The following SOX5 variants were observed in gnomAD, a reference collection of about 807,000 sequenced individuals.
SOX5 encodes SRY-box transcription factor 5, also known as transcription factor SOX-5.
Under a neutral mutation model 92.0 loss-of-function variants are expected in SOX5, and 9 were observed. That is an observed-to-expected ratio of 0.10 (90% CI 0.06 to 0.17). The LOEUF is 0.17. SOX5 is among the 10% of genes least tolerant of loss of function. The pLI is 1.00. For synonymous variants in SOX5, 344 were observed against 336.3 expected, an observed-to-expected ratio of 1.02 and a Z score of -0.25; for missense variants, 642 against 944.5, an observed-to-expected ratio of 0.68 and a Z score of 4.20.
intron 1 of SOX5, among the ~76,000 whole-genome samples, chr12:24,459,090 T>C (rs1449505020): frequency 3.3e-5 from 5 of 152,150 alleles, no homozygotes; most frequent in African/African-American, 7.2e-5. Context: ...GGGATGATTG[T>C]TTCCGTTCCC....
intron 3 of SOX5, among the ~76,000 whole-genome samples, chr12:23,819,350 T>C (rs1285448083): frequency 1.3e-5 from 2 of 152,202 alleles, no homozygotes; most frequent in African/African-American, 2.4e-5. Flanking sequence ...ACTTTCTTTG[T>C]GTAAAAACTT....
intron 1 of SOX5, among the ~76,000 whole-genome samples, chr12:24,483,368 C>T (rs1234582697): frequency 1.3e-5 from 2 of 152,158 alleles, no homozygotes; most frequent in Non-Finnish European, 2.9e-5. Context: ...CTAAATCACT[C>T]ACCCCAGAAA....
rs551378119 is a variant in SOX5, at chr12:23,658,599, A to T, written c.931+6845T>A. Among the ~76,000 whole-genome samples the T allele has an allele frequency of 3.9e-5, 6 of 152,320 alleles. No homozygotes were observed. In the East Asian group the frequency reaches 1.2e-3, roughly 29 times the overall value. ...TGGTCACAATAATTCTAACACAAAA[A>T]ATACAGAAACCAGCTGGGCATGGTG... On this transcript the variant is annotated intron_variant, in intron 7 of 14. Transcript: ENST00000451604.
intron 1 of SOX5, among the ~76,000 whole-genome samples, chr12:24,464,311 T>C (rs555002646): frequency 7.8e-4 from 112 of 144,304 alleles, no homozygotes; most frequent in African/African-American, 2.0e-3. Context: ...CCACTACTTC[T>C]AGTGAGAGTT....
intron 1 of SOX5, among the ~76,000 whole-genome samples, chr12:24,501,801 T>C (rs1278696042): frequency 1.3e-5 from 2 of 152,216 alleles, no homozygotes; most frequent in East Asian, 3.8e-4. Flanking sequence ...CACTCCAGCC[T>C]GAGTGACAAA....
chr12:23,971,265 G>T (rs897422059), intron 4 of SOX5, among the ~76,000 whole-genome samples: 1 of 151,186 alleles, frequency 6.6e-6, no homozygotes, highest in African/African-American at 2.4e-5. Flanking sequence ...TGGGACTACA[G>T]GTGCCCGCCA....
chr12:23,848,240 T>C (rs1172900683), intron 2 of SOX5, among the ~76,000 whole-genome samples: 1 of 152,122 alleles, frequency 6.6e-6, no homozygotes, highest in Non-Finnish European at 1.5e-5. Context: ...AATTGAAAAT[T>C]ACAATGAAAT....
rs138795517 is a variant in SOX5 at position 24,139,744 on chromosome 12, A to G, written c.-2+73599T>C. Among the ~76,000 whole-genome samples, 454 of 152,326 alleles carry G rather than the reference A, an allele frequency of 3.0e-3. 10 individuals carry two copies. The highest frequency in any genetic ancestry group is 5.6e-3 in the East Asian group (29 of 5,188). On this transcript the variant is annotated intron_variant, in intron 4 of 4. Coordinates refer to the SOX5 transcript ENST00000446891. ...AATTGGAGCATTTTAAATTCGGCTTAACGGGTGATTCTTTTTAGCCAATGG... is the reference window on the plus strand; with the variant it reads ...AATTGGAGCATTTTAAATTCGGCTTGACGGGTGATTCTTTTTAGCCAATGG...
chr12:23,566,355 C>T (rs1253969133), intron 10 of SOX5, among the ~76,000 whole-genome samples: 1 of 152,162 alleles, frequency 6.6e-6, no homozygotes, highest in African/African-American at 2.4e-5. Flanking sequence ...GTTCTCAGTG[C>T]AATCTTGTTT....
intron 7 of SOX5, among the ~76,000 whole-genome samples, chr12:23,645,374 A>AT (rs926040308): frequency 6.6e-6 from 1 of 152,178 alleles, no homozygotes; most frequent in African/African-American, 2.4e-5. Context: ...GGGAAAAGAG[A>AT]TTGAAGACAA....
At chr12:23,997,963 G>T (rs1227980215) in intron 4 of SOX5, among the ~76,000 whole-genome samples, 1 of 152,088 alleles carries the variant, frequency 6.6e-6, no homozygotes, top group Non-Finnish European at 1.5e-5. Context: ...TATGGTGGGG[G>T]GGTGCAAGGT....
intron 3 of SOX5, among the ~76,000 whole-genome samples, chr12:23,832,872 T>C (rs773310691): frequency 3.3e-5 from 5 of 151,670 alleles, no homozygotes; most frequent in African/African-American, 9.7e-5. Context: ...CCAAAATAGA[T>C]AAAATTATAC....
rs80317301 is a variant in SOX5 at position 24,254,040 on chromosome 12, G to A, written c.-77+23176C>T. On this transcript the variant is annotated intron_variant, in intron 3 of 4. Transcript: ENST00000446891. ...TAGAACAGTTCCTGACTCACAGTGA[G>A]TGCCACATAAGTAATGACCATCAAC... Among the ~76,000 whole-genome samples the A allele has an allele frequency of 3.8e-3, 576 of 152,234 alleles. 9 individuals are homozygous for A. The highest frequency in any genetic ancestry group is 0.013 in the African/African-American group (557 of 41,560).
At chr12:24,434,655 A>G (rs1290549678) in intron 1 of SOX5, among the ~76,000 whole-genome samples, 1 of 152,134 alleles carries the variant, frequency 6.6e-6, no homozygotes, top group African/African-American at 2.4e-5. Context: ...TGTCATCATG[A>G]TAGTGAGCTG....
intron 9 of SOX5, among the ~76,000 whole-genome samples, chr12:23,590,239 G>C (rs1431415700): frequency 1.3e-5 from 2 of 151,934 alleles, no homozygotes; most frequent in African/African-American, 4.8e-5. Flanking sequence ...CTGGGAGAAA[G>C]GCAGAAGTAT....
At chr12:23,566,169 A>T (rs1299403218) in intron 10 of SOX5, among the ~76,000 whole-genome samples, 1 of 152,168 alleles carries the variant, frequency 6.6e-6, no homozygotes, top group Non-Finnish European at 1.5e-5. Context: ...CACCATCTCT[A>T]CCACCTCAAC....
chr12:24,269,689 T>TTTC (rs369429011), intron 3 of SOX5, among the ~76,000 whole-genome samples: 1 of 23,858 alleles, frequency 4.2e-5, no homozygotes, highest in Non-Finnish European at 9.8e-5. Flanking sequence ...ATTTTTATTC[T>TTTC]TTTTTTTTTT....
intron 4 of SOX5, among the ~76,000 whole-genome samples, chr12:24,033,008 C>T (rs1955665884): frequency 1.3e-5 from 2 of 151,796 alleles, no homozygotes; most frequent in African/African-American, 4.8e-5. Flanking sequence ...TCTTGAATTA[C>T]ATTAAAAGTT....
At chr12:23,777,723 AC>A (rs1394039667) in intron 3 of SOX5, among the ~76,000 whole-genome samples, 1 of 152,162 alleles carries the variant, frequency 6.6e-6, no homozygotes, top group Non-Finnish European at 1.5e-5. Context: ...CAAACATTTA[AC>A]TAATCTAAAT....
Sources: allele counts gnomAD v4.1 joint callset (sites outside exome capture counted in the v4.1 genomes callset), GRCh38; gene constraint gnomAD v4.1.1; transcripts MANE v1.5; gene names NCBI Gene and HGNC (gene_info 2026-07-23, HGNC 2026-07-21).